The following ROS1 variants were observed in gnomAD, a reference collection of about 807,000 sequenced individuals.
ROS1 encodes the protein proto-oncogene tyrosine-protein kinase ROS.
In ROS1, 263 loss-of-function variants were observed where a neutral mutation model predicts 273.5. The observed-to-expected ratio is 0.96, with a 90% CI of 0.87 to 1.06. The LOEUF (loss-of-function observed/expected upper bound fraction) is 1.06. Among genes scored for constraint, ROS1 ranks in the 50% least tolerant of loss-of-function variants. The pLI is 0.00. For missense variants in ROS1, 2,833 were observed against 2,751.1 expected (o/e 1.03, Z -0.67); for synonymous variants, 1,008 against 954.1 (o/e 1.06, Z -1.04).
In ROS1 at chr6:117,341,449, A is replaced by G. The variant is rs1319726072; in HGVS notation, c.4835T>C (p.Leu1612Pro). 6.2e-7 allele frequency: 1 copy of G among 1,613,944 alleles called. No individual in the cohort carries two copies. The highest frequency in any genetic ancestry group is 2.2e-5 in the East Asian group (1 of 44,882). ...LRQSEFPNGR[L>P]TLLVTRLSGG... ...AGACAGTCTAGTAACAAGGAGAGTG[A>G]GCCTTCCATTTGGAAATTCACTTTG... Residue 1612 changes from leucine (L) to proline (P), a missense_variant, in exon 30 of 44, where the codon CTC becomes CCC. Leu to Pro is a moderately conservative substitution (Grantham distance 98). Coordinates refer to ENST00000368507, the MANE Select transcript of ROS1 (RefSeq NM_001378902.1).
intron 18 of ROS1, among the ~76,000 whole-genome samples, chr6:117,377,746 C>A (rs372349456): frequency 6.6e-6 from 1 of 151,750 alleles, no homozygotes; most frequent in African/African-American, 2.4e-5. Flanking sequence ...AAGCACACCA[C>A]CAAGAAAATA....
At position 117,386,918 on chromosome 6, in the gene ROS1, A is replaced by T. The variant is rs1021788151; in HGVS notation, c.2081T>A (p.Phe694Tyr). Residue 694 changes from phenylalanine (F) to tyrosine (Y), a missense_variant, in exon 15 of 44, where the codon TTC (phenylalanine) becomes TAC (tyrosine). Coordinates refer to ENST00000368507, the MANE Select transcript of ROS1 (RefSeq NM_001378902.1). The stretch of plus-strand genomic sequence containing the variant: ...CACATTTCCTATATCAGAGGATAAG[A>T]ACTCTCCTGGGCCAAAGCTATTTAA... ...KPLNSFGPGE[F>Y]LSSDIGNVSD... is the part of the protein sequence containing the mutation. 1.9e-6 allele frequency: 3 copies of T among 1,608,618 alleles called. No individual in the cohort carries two copies. Among genetic ancestry groups the T allele is most frequent in the Non-Finnish European group, 2.6e-6 (3 of 1,175,636 alleles).
chr6:117,344,713 C>T (rs924596232), intron 27 of ROS1, among the ~76,000 whole-genome samples: 3 of 152,130 alleles, frequency 2.0e-5, no homozygotes, highest in African/African-American at 7.2e-5. Context: ...CGGCAGCCAT[C>T]TTGTGAGAAT....
chr6:117,387,080 C>T (rs1772644315), intron 14 of ROS1, 81 bp from the exon 15 acceptor site: 2 of 607,872 alleles, frequency 3.3e-6, no homozygotes, highest in Admixed American at 5.3e-5. Flanking sequence ...ATATCTATGC[C>T]TTATATCTTA....
chr6:117,341,761 A>G (rs1777947132), intron 29 of ROS1, 129 bp from the exon 30 acceptor site: 2 of 677,172 alleles, frequency 3.0e-6, no homozygotes, highest in Non-Finnish European at 5.0e-6. Flanking sequence ...TCCAGAAAGA[A>G]AGTCAGCCTC....
At chr6:117,308,491 A>G (rs1775282222) in intron 42 of ROS1, among the ~76,000 whole-genome samples, 1 of 152,068 alleles carries the variant, frequency 6.6e-6, no homozygotes, top group Non-Finnish European at 1.5e-5. Context: ...TCTCTCACAC[A>G]CACACACATA....
At chr6:117,390,361 A>T (rs1033576755) in intron 12 of ROS1, among the ~76,000 whole-genome samples, 8 of 152,204 alleles carry the variant, frequency 5.3e-5, no homozygotes, top group African/African-American at 1.9e-4. Context: ...TCCTGGGCTC[A>T]AGTGATCTGC....
intron 32 of ROS1, among the ~76,000 whole-genome samples, chr6:117,329,768 G>A (rs1776933744): frequency 6.6e-6 from 1 of 151,998 alleles, no homozygotes; most frequent in South Asian, 2.1e-4. Flanking sequence ...CTCCCCTCCA[G>A]CCAAGGGGAG....
intron 20 of ROS1, 130 bp downstream of exon 20, chr6:117,365,451 C>A: frequency 2.4e-6 from 2 of 848,984 alleles, no homozygotes; most frequent in Non-Finnish European, 3.8e-6. Context: ...ATCTTAATGA[C>A]CAAATGCTAT....
intron 27 of ROS1, among the ~76,000 whole-genome samples, chr6:117,351,262 G>A (rs75298871): frequency 8.2e-4 from 125 of 152,256 alleles, no homozygotes; most frequent in Non-Finnish European, 1.3e-3. Flanking sequence ...GGGACACGAC[G>A]GCTGGAGTGG....
intron 18 of ROS1, among the ~76,000 whole-genome samples, chr6:117,369,435 G>A (rs1451099527): frequency 6.6e-6 from 1 of 152,082 alleles, no homozygotes; most frequent in East Asian, 1.9e-4. Context: ...TTAGCCGGGC[G>A]TGTTGGCGGG....
chr6:117,324,572 G>A (rs1776507349), intron 34 of ROS1, among the ~76,000 whole-genome samples, 157 bp from the exon 35 acceptor site: 1 of 152,106 alleles, frequency 6.6e-6, no homozygotes, highest in Non-Finnish European at 1.5e-5. Context: ...CATCCATACA[G>A]ACAGTGTTTA....
chr6:117,392,062 G>C (rs937570058), intron 12 of ROS1, among the ~76,000 whole-genome samples: 1 of 152,150 alleles, frequency 6.6e-6, no homozygotes, highest in Non-Finnish European at 1.5e-5. Context: ...AGTGGGTAAA[G>C]TTCATTATCC....
intron 13 of ROS1, among the ~76,000 whole-genome samples, chr6:117,389,110 A>G (rs1307597240): frequency 6.6e-6 from 1 of 152,250 alleles, no homozygotes; most frequent in Non-Finnish European, 1.5e-5. Flanking sequence ...CTTAGCAGAC[A>G]CTCAATAAAT....
At chr6:117,406,149 TC>T (rs1354683152) in intron 5 of ROS1, among the ~76,000 whole-genome samples, 1 of 151,962 alleles carries the variant, frequency 6.6e-6, no homozygotes, top group East Asian at 1.9e-4. Flanking sequence ...TGTCTCTCTC[TC>T]TCTCTCTCTC....
chr6:117,342,190 C>T (rs1033679550), intron 29 of ROS1, among the ~76,000 whole-genome samples: 4 of 152,098 alleles, frequency 2.6e-5, no homozygotes. Context: ...CTCCTAGTTG[C>T]TTTCTATTTT....
chr6:117,341,374 A>G (rs771062341), intron 30 of ROS1, 26 bp downstream of exon 30: 1 of 1,611,340 alleles, frequency 6.2e-7, no homozygotes. Flanking sequence ...AATGACAATA[A>G]AGAGTGCCTA....
intron 28 of ROS1, 45 bp from the exon 29 acceptor site, chr6:117,342,589 T>C (rs763887635): frequency 5.8e-6 from 7 of 1,210,154 alleles, no homozygotes; most frequent in Non-Finnish European, 8.0e-6. Flanking sequence ...TTTAACATTT[T>C]ATACAAATTG....
intron 13 of ROS1, among the ~76,000 whole-genome samples, chr6:117,388,736 T>C (rs1182832564): frequency 6.6e-6 from 1 of 152,242 alleles, no homozygotes; most frequent in African/African-American, 2.4e-5. Context: ...TGCTGACCTC[T>C]GTGCTAGATA....
Sources: allele counts gnomAD v4.1 joint callset (sites outside exome capture counted in the v4.1 genomes callset), GRCh38; gene constraint gnomAD v4.1.1; transcripts MANE v1.5; gene names NCBI Gene and HGNC (gene_info 2026-07-23, HGNC 2026-07-21).